PEF1: variants seen among roughly 807,000 people sequenced by gnomAD.
PEF1 encodes the protein penta-EF-hand domain containing 1, also known as peflin.
A neutral mutation model predicts 32.0 loss-of-function variants in PEF1; 17 were observed. The ratio of observed to expected loss-of-function variants is 0.53; its 90% CI spans 0.36 to 0.80. The LOEUF is 0.80. Among genes scored for constraint, PEF1 ranks in the 30% least tolerant of loss-of-function variants. The pLI, the probability that PEF1 is intolerant of heterozygous loss-of-function variation, is 0.00. For synonymous variants in PEF1, 130 were observed against 139.8 expected, an observed-to-expected ratio of 0.93 and a Z score of 0.50; for missense variants, 362 against 369.1, an observed-to-expected ratio of 0.98 and a Z score of 0.16.
rs538242044 is a variant in PEF1 at position 31,644,297 on chromosome 1, G to A, written c.24+544C>T. On this transcript the variant is annotated intron_variant, in intron 1 of 4. Transcript: ENST00000373703. ...CTGCCTAACTGCCTGGTGACTTCAG[G>A]TAAGTTCTGTGTCTTCTCGGGGTTC... is the stretch of plus-strand genomic sequence containing the variant. 5.5e-6 allele frequency: 5 copies of A among 905,540 alleles called. No individual in the cohort carries two copies. In the East Asian group the frequency reaches 4.7e-4, roughly 86 times the overall value. The allele number at this position is 905,540 out of a possible 1,614,324, so 56.1% of individuals were successfully genotyped here. A position where few individuals can be genotyped will look rare whatever the true frequency, so the allele number is the denominator to read the frequency against.
intron 1 of PEF1, among the ~76,000 whole-genome samples, chr1:31,639,580 G>A (rs1640344158): frequency 6.6e-6 from 1 of 152,252 alleles, no homozygotes; most frequent in Non-Finnish European, 1.5e-5. Flanking sequence ...CTTGTTTAGA[G>A]AAGTAACCAG....
chr1:31,632,574 G>A lies in PEF1; in HGVS notation c.546C>T (p.Phe182=), dbSNP rs923737278. Residue 182 remains phenylalanine (F), a synonymous_variant, in exon 4 of 5, where the codon TTC becomes TTT. Coordinates refer to ENST00000373703, the MANE Select transcript of PEF1 (RefSeq NM_012392.4). Reference sequence around the variant, plus strand: ...GGAAGAGGTTCTTCCACTGCTGGATGAATTTCCACAGGGCTGAGAAGCCGT... The same window carrying A: ...GGAAGAGGTTCTTCCACTGCTGGATAAATTTCCACAGGGCTGAGAAGCCGT... The part of the protein sequence containing the change: ...DVYGFSALWK[F]IQQWKNLFQQ... 3.7e-6 allele frequency: 6 copies of A among 1,614,212 alleles called. No homozygotes were observed. The highest frequency in any genetic ancestry group is 5.1e-6 in the Non-Finnish European group (6 of 1,180,040).
rs774102287 is a variant in PEF1 at position 31,635,388 on chromosome 1, C to A, written c.159G>T (p.Gly53=). 8 of 1,613,316 alleles carry A rather than the reference C, an allele frequency of 5.0e-6. No individual in the cohort carries two copies. Among genetic ancestry groups the A allele is most frequent in the Non-Finnish European group, 5.1e-6 (6 of 1,179,778 alleles). ...CTCCACCAGCTGGTGGTCCATAAGG[C>A]CCTCCAGGGGCAGGACCCCCATAAC... is the stretch of plus-strand genomic sequence containing the variant. The part of the protein sequence containing the change: ...GGGYGGPAPG[G]PYGPPAGGGP... The change falls in exon 2 of 5, where the codon GGG becomes GGT. Residue 53 remains glycine (G), a synonymous_variant. Transcript: ENST00000373703.
At position 31,641,750 on chromosome 1, in the gene PEF1, C is replaced by T. The variant is rs79021865; in HGVS notation, c.24+3091G>A. 3.3e-3 allele frequency among the ~76,000 whole-genome samples: 504 copies of T among 152,338 alleles called. 4 individuals carry two copies. Among genetic ancestry groups the T allele is most frequent in the African/African-American group, 0.01 (434 of 41,570 alleles). On this transcript the variant is annotated intron_variant, in intron 1 of 4. Coordinates refer to ENST00000373703, the MANE Select transcript of PEF1 (RefSeq NM_012392.4). ...GACTGAGTTAGGTATCTCACTCTCC[C>T]GTGCTGTACCTTACACTTACTCCCA... is the stretch of plus-strand genomic sequence containing the variant.
In PEF1 at chr1:31,635,426, G is replaced by T; in HGVS notation, c.121C>A (p.Pro41Thr). The change falls in exon 2 of 5, where the codon CCC (proline) becomes ACC (threonine). Residue 41 changes from proline (P) to threonine (T), a missense_variant. Pro to Thr is a conservative substitution (Grantham distance 38). Transcript: ENST00000373703. ...GGACCCCCATAACCACCACCAGGGG[G>T]TAGCCCACTACCATACTGCCCTCCA... ...NSGGQYGSGLPPGGGYGGPAP... is the reference protein window; with the variant it reads ...NSGGQYGSGLTPGGGYGGPAP... 12 of 1,612,206 alleles carry T rather than the reference G, an allele frequency of 7.4e-6. No individual in the cohort carries two copies. Among genetic ancestry groups the T allele is most frequent in the Non-Finnish European group, 1.0e-5 (12 of 1,179,138 alleles).
chr1:31,642,952 C>T (rs936938974), intron 1 of PEF1, among the ~76,000 whole-genome samples: 2 of 152,222 alleles, frequency 1.3e-5, no homozygotes, highest in African/African-American at 4.8e-5. Context: ...TTCTCTCTAA[C>T]CTGTCACTGC....
chr1:31,634,449 AATGAG>A (rs1350965706), intron 2 of PEF1, among the ~76,000 whole-genome samples: 3 of 152,236 alleles, frequency 2.0e-5, no homozygotes, highest in East Asian at 1.9e-4. Context: ...GTGATGATTA[AATGAG>A]ATAACAGCAA....
chr1:31,630,926 T>C lies in PEF1; in HGVS notation c.626-84A>G, dbSNP rs1640083459. 7 of 1,143,100 alleles carry C rather than the reference T, an allele frequency of 6.1e-6. No homozygotes were observed. The South Asian group carries it at 6.7e-5, about 11-fold the overall frequency. The allele number at this position is 1,143,100 out of a possible 1,614,324, so 70.8% of individuals were successfully genotyped here. A position where few individuals can be genotyped will look rare whatever the true frequency, so the allele number is the denominator to read the frequency against. On this transcript the variant is annotated intron_variant, in intron 4 of 4. Coordinates refer to ENST00000373703, the MANE Select transcript of PEF1 (RefSeq NM_012392.4). ...AATCAGGAATACTGGATCACAACAG[T>C]TCAAGGAACTTCGAGAGGATGGGCA...
chr1:31,634,981 C>G, intron 2 of PEF1: 1 of 669,986 alleles, frequency 1.5e-6, no homozygotes. Flanking sequence ...AACTCAACAG[C>G]CAGCTAACAG....
chr1:31,641,932 C>T lies in PEF1; in HGVS notation c.24+2909G>A, dbSNP rs578176632. 3.9e-5 allele frequency among the ~76,000 whole-genome samples: 6 copies of T among 152,316 alleles called. No individual in the cohort carries two copies. The South Asian group carries it at 6.2e-4, about 16-fold the overall frequency. On this transcript the variant is annotated intron_variant, in intron 1 of 4. Coordinates refer to ENST00000373703, the MANE Select transcript of PEF1 (RefSeq NM_012392.4). ...AGGTAGATACTATTATGACCCCATT[C>T]TAAAGAAGGGAAAACTAGTCCAGGC...
chr1:31,635,934 T>C (rs1389530056), intron 1 of PEF1, among the ~76,000 whole-genome samples: 2 of 152,206 alleles, frequency 1.3e-5, no homozygotes, highest in African/African-American at 4.8e-5. Flanking sequence ...CTCCCATCTC[T>C]ATCTGCAGAA....
chr1:31,644,511 CTGATGCCCCCGCCCAAGGCCCCCA>C, intron 1 of PEF1: 1 of 1,322,026 alleles, frequency 7.6e-7, no homozygotes, highest in South Asian at 1.8e-5. Flanking sequence ...CCGGTCATGG[CTGATGCCCCCGCCCAAGGCCCCCA>C]TGAGGGCCTT....
intron 1 of PEF1, among the ~76,000 whole-genome samples, chr1:31,642,624 G>A (rs1440738794): frequency 1.3e-5 from 2 of 152,048 alleles, no homozygotes; most frequent in Non-Finnish European, 2.9e-5. Context: ...GCGGACAAGG[G>A]TATGGTAGGA....
chr1:31,641,220 A>C (rs1411608756), intron 1 of PEF1, among the ~76,000 whole-genome samples: 1 of 152,106 alleles, frequency 6.6e-6, no homozygotes, highest in African/African-American at 2.4e-5. Flanking sequence ...CGTTCTGCTT[A>C]ATCATCCAAA....
chr1:31,635,497 G>T lies in PEF1; in HGVS notation c.50C>A (p.Ala17Glu). 1 of 1,519,168 alleles carries T rather than the reference G, an allele frequency of 6.6e-7. No homozygotes were observed. The highest frequency in any genetic ancestry group is 2.3e-5 in the East Asian group (1 of 43,804). The allele number at this position is 1,519,168 out of a possible 1,614,324, so 94.1% of individuals were successfully genotyped here. Reference sequence around the variant, plus strand: ...GTAGCTACCCGGAGGGGCTCCTGGTGCTTGTCCTGCAGCTCCTGGGCAGCC... The same window carrying T: ...GTAGCTACCCGGAGGGGCTCCTGGTTCTTGTCCTGCAGCTCCTGGGCAGCC... ...RQGCPGAAGQ[A>E]PGAPPGSYYP... The change falls in exon 2 of 5, where the codon GCA becomes GAA. Residue 17 changes from alanine (A) to glutamate (E), a missense_variant. Transcript: ENST00000373703.
At chr1:31,633,995 G>A (rs1356624549) in intron 2 of PEF1, among the ~76,000 whole-genome samples, 1 of 151,734 alleles carries the variant, frequency 6.6e-6, no homozygotes, top group Non-Finnish European at 1.5e-5. Flanking sequence ...AAACAGTGTA[G>A]AAGCTGGTAA....
chr1:31,638,780 T>C (rs565864415), intron 1 of PEF1, among the ~76,000 whole-genome samples: 6 of 152,376 alleles, frequency 3.9e-5, no homozygotes, highest in African/African-American at 1.4e-4. Context: ...AAAAGGAAGA[T>C]GTTAGTTGCC....
intron 1 of PEF1, among the ~76,000 whole-genome samples, chr1:31,637,680 G>GA (rs1419230146): frequency 6.5e-5 from 9 of 138,184 alleles, no homozygotes; most frequent in Admixed American, 4.3e-4. Context: ...GAGAGAGAAA[G>GA]AAAGAATCCT....
intron 1 of PEF1, among the ~76,000 whole-genome samples, chr1:31,643,884 G>A (rs897032435): frequency 7.9e-5 from 12 of 152,142 alleles, no homozygotes; most frequent in African/African-American, 2.6e-4. Context: ...AGGACCCTCC[G>A]GGCACTGGCC....
Sources: allele counts gnomAD v4.1 joint callset (sites outside exome capture counted in the v4.1 genomes callset), GRCh38; gene constraint gnomAD v4.1.1; transcripts MANE v1.5; gene names NCBI Gene and HGNC (gene_info 2026-07-23, HGNC 2026-07-21).